ANO4: variants seen among roughly 807,000 people sequenced by gnomAD.
The protein encoded by ANO4 is anoctamin-4.
A neutral mutation model predicts 141.9 loss-of-function variants in ANO4; 69 were observed. That is an observed-to-expected ratio of 0.49 (90% CI 0.40 to 0.59). ANO4 has a LOEUF of 0.59. ANO4 is among the 20% of genes least tolerant of loss of function. ANO4 has a pLI of 0.00. For synonymous variants in ANO4, 350 were observed against 394.3 expected (o/e 0.89, Z 1.33); for missense variants, 894 against 1,162.2 (o/e 0.77, Z 3.36).
At chr12:100,808,910 G>A (rs2035227836) in intron 1 of ANO4, among the ~76,000 whole-genome samples, 1 of 152,134 alleles carries the variant, frequency 6.6e-6, no homozygotes, top group Admixed American at 6.5e-5. Context: ...CAATTGCTGA[G>A]ATTCTTTTGC....
chr12:100,886,999 G>A (rs1180202388), intron 1 of ANO4, among the ~76,000 whole-genome samples: 4 of 152,150 alleles, frequency 2.6e-5, no homozygotes, highest in Admixed American at 6.5e-5. Context: ...GGCCTAGCAG[G>A]GGTAGGGCTC....
intron 3 of ANO4, 139 bp from the exon 4 acceptor site, chr12:100,939,176 G>A: frequency 1.2e-6 from 1 of 849,434 alleles, no homozygotes; most frequent in Non-Finnish European, 1.8e-6. Flanking sequence ...TTTCTTTTAG[G>A]AAATAATATG....
chr12:100,809,299 A>C (rs932571800), intron 1 of ANO4, among the ~76,000 whole-genome samples: 7 of 151,672 alleles, frequency 4.6e-5, no homozygotes, highest in African/African-American at 1.7e-4. Context: ...AGGGAGGAGA[A>C]TTGCTTGAAC....
At position 101,097,852 on chromosome 12, in the gene ANO4, A is replaced by C; in HGVS notation, c.1913A>C (p.His638Pro). The C allele has an allele frequency of 6.2e-7, 1 of 1,613,680 alleles. No homozygotes were observed. Among genetic ancestry groups the C allele is most frequent in the Non-Finnish European group, 8.5e-7 (1 of 1,179,704 alleles). Residue 638 changes from histidine to proline, a missense_variant, in exon 21 of 28, where the codon CAC becomes CCC. Transcript: ENST00000392977. Reference sequence around the variant, plus strand: ...CTGTGTTTGCTTACCTTGCAGTGCCACCCTAGTGGATGCCTTATTGATCTG... The same window carrying C: ...CTGTGTTTGCTTACCTTGCAGTGCCCCCCTAGTGGATGCCTTATTGATCTG... ...LINRWRLEEC[H>P]PSGCLIDLCM...
At chr12:101,046,851 G>T (rs567850399) in intron 13 of ANO4, among the ~76,000 whole-genome samples, 2 of 152,344 alleles carry the variant, frequency 1.3e-5, no homozygotes, top group East Asian at 3.9e-4. Context: ...GGAGAAAGGA[G>T]AATGGAAGAC....
chr12:100,965,330 G>A (rs959777282), intron 5 of ANO4, among the ~76,000 whole-genome samples: 5 of 151,816 alleles, frequency 3.3e-5, no homozygotes, highest in African/African-American at 9.7e-5. Flanking sequence ...TCTCAAGTCC[G>A]TCTATTTCTC....
chr12:101,053,955 A>C (rs1006938658), intron 14 of ANO4, among the ~76,000 whole-genome samples: 1 of 152,242 alleles, frequency 6.6e-6, no homozygotes. Context: ...CTCTGGCAAC[A>C]GTGCAGGGAG....
chr12:100,796,821 TCTTA>T (rs1314427080), intron 1 of ANO4, among the ~76,000 whole-genome samples: 1 of 152,132 alleles, frequency 6.6e-6, no homozygotes, highest in Non-Finnish European at 1.5e-5. Context: ...AATGGTGTGT[TCTTA>T]CTTTGCTTAA....
intron 15 of ANO4, among the ~76,000 whole-genome samples, chr12:101,080,883 T>TATATA (rs1491584060): frequency 1.9e-4 from 14 of 74,098 alleles, no homozygotes; most frequent in South Asian, 6.4e-4. Flanking sequence ...TATATATATA[T>TATATA]TATATATATA....
intron 5 of ANO4, 142 bp from the exon 6 acceptor site, chr12:100,971,164 A>G (rs1459022847): frequency 2.1e-6 from 1 of 473,366 alleles, no homozygotes. Flanking sequence ...GAATACTTGC[A>G]CTTGTAAGGG....
intron 3 of ANO4, among the ~76,000 whole-genome samples, chr12:100,776,584 CTT>C (rs1175799343): frequency 3.9e-5 from 6 of 152,262 alleles, no homozygotes; most frequent in African/African-American, 1.4e-4. Context: ...GCAAGAGTAA[CTT>C]TTAATGTGAA....
chr12:100,730,494 A>G (rs2031336880), intron 1 of ANO4, among the ~76,000 whole-genome samples: 1 of 152,204 alleles, frequency 6.6e-6, no homozygotes, highest in South Asian at 2.1e-4. Flanking sequence ...CCTCTCTGAA[A>G]TTAATAGGAA....
chr12:101,079,402 C>T, intron 15 of ANO4, 127 bp downstream of exon 15: 1 of 748,236 alleles, frequency 1.3e-6, no homozygotes, highest in Non-Finnish European at 2.2e-6. Flanking sequence ...TTTTCAATTG[C>T]CTTTTCAGAA....
At chr12:100,858,732 G>C (rs1309041215) in intron 1 of ANO4, among the ~76,000 whole-genome samples, 1 of 152,084 alleles carries the variant, frequency 6.6e-6, no homozygotes, top group Non-Finnish European at 1.5e-5. Flanking sequence ...GTAGGATTTG[G>C]GGTCCATTTT....
At chr12:100,731,661 C>T (rs1249323478) in intron 1 of ANO4, among the ~76,000 whole-genome samples, 5 of 152,164 alleles carry the variant, frequency 3.3e-5, no homozygotes, top group African/African-American at 1.2e-4. Flanking sequence ...TCCTTCCCTC[C>T]ACTCTGACCC....
At chr12:100,732,177 T>C (rs1337559842) in intron 1 of ANO4, among the ~76,000 whole-genome samples, 1 of 152,256 alleles carries the variant, frequency 6.6e-6, no homozygotes, top group Non-Finnish European at 1.5e-5. Flanking sequence ...AACTCTCTTC[T>C]AGAATGGCTG....
intron 3 of ANO4, among the ~76,000 whole-genome samples, chr12:100,772,495 G>A (rs548675446): frequency 6.6e-6 from 1 of 152,228 alleles, no homozygotes; most frequent in Non-Finnish European, 1.5e-5. Flanking sequence ...GAGTCCATGT[G>A]GCATAGTGGA....
chr12:100,834,209 G>T (rs896275801), intron 1 of ANO4, among the ~76,000 whole-genome samples: 1 of 152,132 alleles, frequency 6.6e-6, no homozygotes, highest in Admixed American at 6.5e-5. Flanking sequence ...TGCTTAGGGT[G>T]CAAATAAGAA....
chr12:100,837,320 A>T (rs1356595783), intron 1 of ANO4, among the ~76,000 whole-genome samples: 1 of 152,154 alleles, frequency 6.6e-6, no homozygotes, highest in Non-Finnish European at 1.5e-5. Flanking sequence ...TTGGCAGATA[A>T]GGAAACCAAG....
Sources: allele counts gnomAD v4.1 joint callset (sites outside exome capture counted in the v4.1 genomes callset), GRCh38; gene constraint gnomAD v4.1.1; transcripts MANE v1.5; gene names NCBI Gene and HGNC (gene_info 2026-07-23, HGNC 2026-07-21).